Variants in METTL15 observed in about 807,000 individuals in gnomAD.
METTL15 encodes the protein 12S rRNA N(4)-cytidine methyltransferase METTL15.
Under a neutral mutation model 38.3 loss-of-function variants are expected in METTL15, and 34 were observed. The observed-to-expected ratio is 0.89, with a 90% CI of 0.68 to 1.18. METTL15 has a LOEUF of 1.18. Ranked by LOEUF, METTL15 falls within the 50% of genes most tolerant of loss-of-function variation. The probability of loss-of-function intolerance (pLI) is 0.00; values close to 1 mark genes in which losing one functional copy is unlikely to be tolerated. For missense variants in METTL15, 438 were observed against 498.4 expected (o/e 0.88, Z 1.15); for synonymous variants, 162 against 170.9 (o/e 0.95, Z 0.41).
At chr11:28,392,508 G>C (rs929848715) in intron 5 of METTL15, among the ~76,000 whole-genome samples, 3 of 152,030 alleles carry the variant, frequency 2.0e-5, no homozygotes, top group Non-Finnish European at 4.4e-5. Context: ...TTCAACAAAT[G>C]ATATAGGAAA....
At chr11:28,334,844 A>T (rs191134108), downstream of METTL15, among the ~76,000 whole-genome samples, 105 of 152,316 alleles carry the variant, frequency 6.9e-4, no homozygotes, top group African/African-American at 2.3e-3. Flanking sequence ...TACAATGGTC[A>T]TAATTTATAA....
intron 6 of METTL15, among the ~76,000 whole-genome samples, chr11:28,509,679 T>C (rs1209158194): frequency 6.6e-6 from 1 of 152,158 alleles, no homozygotes; most frequent in African/African-American, 2.4e-5. Flanking sequence ...TGCTTCTTTG[T>C]TTGTAAAATG....
chr11:28,381,539 C>T (rs956050030), intron 5 of METTL15, among the ~76,000 whole-genome samples: 5 of 151,962 alleles, frequency 3.3e-5, no homozygotes, highest in Admixed American at 6.6e-5. Flanking sequence ...GGCAATCTTT[C>T]TTCTTTTTCA....
At chr11:28,238,896 A>T (rs889585306) in intron 4 of METTL15, among the ~76,000 whole-genome samples, 13 of 152,230 alleles carry the variant, frequency 8.5e-5, no homozygotes, top group African/African-American at 3.1e-4. Flanking sequence ...AGATAAACAC[A>T]TAAGCCATCA....
At chr11:28,522,434 T>C (rs900104313) in intron 6 of METTL15, among the ~76,000 whole-genome samples, 2 of 152,202 alleles carry the variant, frequency 1.3e-5, no homozygotes, top group Non-Finnish European at 2.9e-5. Context: ...CATTTCCTCT[T>C]GCTTGGCGGA....
intron 3 of METTL15, among the ~76,000 whole-genome samples, chr11:28,115,883 T>C (rs1851923030): frequency 6.6e-6 from 1 of 151,164 alleles, no homozygotes; most frequent in Admixed American, 6.6e-5. Flanking sequence ...TATGTGTGTA[T>C]ATATATACAC....
At chr11:28,437,586 A>G (rs886126983) in intron 6 of METTL15, among the ~76,000 whole-genome samples, 1 of 152,246 alleles carries the variant, frequency 6.6e-6, no homozygotes, top group Non-Finnish European at 1.5e-5. Flanking sequence ...TGATTTCAGC[A>G]GATGAATATG....
chr11:28,390,791 T>C (rs1430111827), intron 5 of METTL15, among the ~76,000 whole-genome samples: 4 of 152,170 alleles, frequency 2.6e-5, no homozygotes, highest in Non-Finnish European at 5.9e-5. Flanking sequence ...TTGATGGGGA[T>C]GGCATTGAAT....
At chr11:28,296,347 TA>T (rs1856734320) in intron 5 of METTL15, among the ~76,000 whole-genome samples, 1 of 152,144 alleles carries the variant, frequency 6.6e-6, no homozygotes, top group Non-Finnish European at 1.5e-5. Context: ...TTAGACTTTT[TA>T]AAATATCATC....
At chr11:28,212,978 A>G (rs1852704902) in intron 4 of METTL15, among the ~76,000 whole-genome samples, 1 of 152,170 alleles carries the variant, frequency 6.6e-6, no homozygotes. Context: ...CCTAACAGGA[A>G]CTATCAGGCT....
chr11:28,330,356 T>G (rs1429932302), intron 6 of METTL15, 40 bp from the exon 7 acceptor site: 1 of 1,449,054 alleles, frequency 6.9e-7, no homozygotes, highest in Non-Finnish European at 9.2e-7. Flanking sequence ...ATATTAATGT[T>G]ACCGGTCTTC....
At chr11:28,122,563 T>C (rs1287352266) in intron 3 of METTL15, among the ~76,000 whole-genome samples, 1 of 151,520 alleles carries the variant, frequency 6.6e-6, no homozygotes, top group Non-Finnish European at 1.5e-5. Flanking sequence ...TTTATATATA[T>C]ATGTATATAG....
intron 6 of METTL15, among the ~76,000 whole-genome samples, chr11:28,480,154 T>G (rs1851383286): frequency 6.6e-6 from 1 of 152,232 alleles, no homozygotes. Context: ...ACGTGACATG[T>G]TTTTAAAGTA....
At chr11:28,443,688 G>A (rs1851053526) in intron 6 of METTL15, among the ~76,000 whole-genome samples, 1 of 152,072 alleles carries the variant, frequency 6.6e-6, no homozygotes, top group South Asian at 2.1e-4. Context: ...AGATATGAGG[G>A]CATCTTTGAC....
At chr11:28,359,921 G>A (rs1461863531) in intron 4 of METTL15, among the ~76,000 whole-genome samples, 1 of 152,050 alleles carries the variant, frequency 6.6e-6, no homozygotes, top group Non-Finnish European at 1.5e-5. Context: ...TGAGAGGTTC[G>A]AAACTGTTGC....
At chr11:28,243,164 T>C (rs1403802605) in intron 4 of METTL15, among the ~76,000 whole-genome samples, 1 of 152,008 alleles carries the variant, frequency 6.6e-6, no homozygotes, top group Non-Finnish European at 1.5e-5. Flanking sequence ...ATTTTAAAGA[T>C]AAATGCCAAA....
At chr11:28,256,493 A>G (rs1191235166) in intron 4 of METTL15, among the ~76,000 whole-genome samples, 2 of 152,160 alleles carry the variant, frequency 1.3e-5, no homozygotes, top group Admixed American at 6.5e-5. Flanking sequence ...ATTGGCATAT[A>G]GTCATTCATA....
intron 3 of METTL15, among the ~76,000 whole-genome samples, chr11:28,210,516 T>G (rs1852587434): frequency 6.6e-6 from 1 of 151,954 alleles, no homozygotes; most frequent in Non-Finnish European, 1.5e-5. Context: ...ATATTTGTTA[T>G]TTTATTATTA....
intron 1 of METTL15, among the ~76,000 whole-genome samples, chr11:28,109,028 A>G (rs1192230065): frequency 6.6e-6 from 1 of 152,228 alleles, no homozygotes; most frequent in East Asian, 1.9e-4. Flanking sequence ...GATTTTAGAC[A>G]CAATAGTATG....
Sources: gnomAD v4.1 joint callset for allele counts (sites outside exome capture counted in the v4.1 genomes callset) on GRCh38, gnomAD v4.1.1 for gene constraint, MANE v1.5 for transcripts, NCBI Gene and HGNC (gene_info 2026-07-23, HGNC 2026-07-21) for gene names.